The following NTNG1 variants were observed in gnomAD, a reference collection of about 807,000 sequenced individuals.
NTNG1 encodes netrin-G1.
A neutral mutation model predicts 54.0 loss-of-function variants in NTNG1; 16 were observed. The observed-to-expected ratio is 0.30, with a 90% confidence interval of 0.20 to 0.45. NTNG1 has a LOEUF of 0.45. Among genes scored for constraint, NTNG1 ranks in the 20% least tolerant of loss-of-function variants. The pLI is 1.00. For missense variants in NTNG1, 530 were observed against 678.7 expected (o/e 0.78, Z 2.43); for synonymous variants, 255 against 263.1 (o/e 0.97, Z 0.30).
intron 2 of NTNG1, among the ~76,000 whole-genome samples, chr1:107,214,790 A>AT (rs58247179): frequency 0.96 from 141,109 of 146,530 alleles, 68,057 homozygotes; most frequent in South Asian, 0.99. Flanking sequence ...CCATGCCATC[A>AT]TTTTTTTTTT....
chr1:107,231,141 G>T (rs762354492), intron 2 of NTNG1, among the ~76,000 whole-genome samples: 1 of 152,130 alleles, frequency 6.6e-6, no homozygotes, highest in African/African-American at 2.4e-5. Flanking sequence ...CAGATTTTAC[G>T]CAGAGATGAT....
intron 4 of NTNG1, among the ~76,000 whole-genome samples, chr1:107,400,272 T>C (rs1672938203): frequency 6.6e-6 from 1 of 152,154 alleles, no homozygotes; most frequent in Admixed American, 6.6e-5. Context: ...CAAAATCAAT[T>C]ACTTCTGTCT....
intron 2 of NTNG1, among the ~76,000 whole-genome samples, chr1:107,210,719 A>G (rs532076424): frequency 5.9e-5 from 9 of 152,114 alleles, no homozygotes; most frequent in African/African-American, 2.2e-4. Flanking sequence ...CTGCCAAGGA[A>G]TCTACACAAA....
At chr1:107,475,985 C>A (rs1462097562) in intron 7 of NTNG1, among the ~76,000 whole-genome samples, 1 of 152,160 alleles carries the variant, frequency 6.6e-6, no homozygotes, top group African/African-American at 2.4e-5. Context: ...AATGTTAATT[C>A]TTCAAAATTT....
At chr1:107,325,799 C>T (rs11185089) in intron 3 of NTNG1, among the ~76,000 whole-genome samples, 73,316 of 151,802 alleles carry the variant, frequency 0.48, 20,758 homozygotes, top group Non-Finnish European at 0.62. Context: ...AGCAGAGTAT[C>T]TAGCAAAGGG....
intron 3 of NTNG1, among the ~76,000 whole-genome samples, chr1:107,343,308 C>T (rs1477130630): frequency 6.6e-6 from 1 of 152,088 alleles, no homozygotes; most frequent in Non-Finnish European, 1.5e-5. Context: ...TAAGAGCAAG[C>T]CGCCATGATG....
At chr1:107,165,876 T>C (rs1385020888) in intron 2 of NTNG1, among the ~76,000 whole-genome samples, 1 of 152,176 alleles carries the variant, frequency 6.6e-6, no homozygotes, top group African/African-American at 2.4e-5. Context: ...TATTTAGTGG[T>C]TTCTCTCCAC....
chr1:107,444,533 C>T (rs934036857), intron 7 of NTNG1, among the ~76,000 whole-genome samples: 1 of 152,164 alleles, frequency 6.6e-6, no homozygotes, highest in South Asian at 2.1e-4. Flanking sequence ...CACCCACTGG[C>T]ATTCTGAGGC....
chr1:107,439,212 G>A (rs1272963307), intron 7 of NTNG1, among the ~76,000 whole-genome samples: 1 of 152,000 alleles, frequency 6.6e-6, no homozygotes, highest in Non-Finnish European at 1.5e-5. Context: ...AGGATCAGTG[G>A]AGCTTTCCAG....
In NTNG1 at chr1:107,187,109, C is replaced by T. The variant is rs553002840; in HGVS notation, c.246+38270C>T. Among the ~76,000 whole-genome samples the T allele has an allele frequency of 4.6e-5, 7 of 152,182 alleles. No individual in the cohort carries two copies. In the South Asian group the frequency reaches 1.2e-3, roughly 27 times the overall value. ...GTTGCCTCTAGAGAGAGGCTTGCCC[C>T]TCATTTTATTCTCAGTTATAGCATC... On this transcript the variant is annotated intron_variant, in intron 2 of 7. Coordinates refer to ENST00000370068, the MANE Select transcript of NTNG1 (RefSeq NM_001113226.3).
intron 2 of NTNG1, among the ~76,000 whole-genome samples, chr1:107,194,447 T>A (rs72697689): frequency 0.064 from 9,739 of 152,140 alleles, 412 homozygotes; most frequent in African/African-American, 0.12. Context: ...TTTCCAGTTA[T>A]TTCAGCCACA....
chr1:107,462,678 C>A (rs548180025), intron 7 of NTNG1, among the ~76,000 whole-genome samples: 1 of 152,252 alleles, frequency 6.6e-6, no homozygotes, highest in African/African-American at 2.4e-5. Flanking sequence ...TTTTAAATAT[C>A]TCTTCTAAGG....
chr1:107,237,541 C>T (rs1027428376), intron 2 of NTNG1, among the ~76,000 whole-genome samples: 1 of 152,166 alleles, frequency 6.6e-6, no homozygotes, highest in African/African-American at 2.4e-5. Context: ...CATCAGAGGT[C>T]TTCATGGCAG....
At chr1:107,177,737 C>T (rs1656754526) in intron 2 of NTNG1, among the ~76,000 whole-genome samples, 1 of 152,166 alleles carries the variant, frequency 6.6e-6, no homozygotes, top group African/African-American at 2.4e-5. Flanking sequence ...CTTTAGGCAA[C>T]ATTGTCTCTC....
intron 2 of NTNG1, among the ~76,000 whole-genome samples, chr1:107,257,957 T>A (rs1000134232): frequency 1.3e-5 from 2 of 152,238 alleles, no homozygotes; most frequent in African/African-American, 4.8e-5. Flanking sequence ...CAGAAAGCCT[T>A]CTTTCCTCCA....
At chr1:107,420,933 C>T (rs1275109162) in intron 5 of NTNG1, 5 of 616,050 alleles carry the variant, frequency 8.1e-6, no homozygotes, top group Non-Finnish European at 1.5e-5. Flanking sequence ...ACAAGCCTTA[C>T]TTTGTGATTG....
intron 2 of NTNG1, among the ~76,000 whole-genome samples, chr1:107,194,965 T>A (rs1230434800): frequency 1.3e-5 from 2 of 152,048 alleles, no homozygotes; most frequent in African/African-American, 4.8e-5. Flanking sequence ...ATAGCTGCCT[T>A]ACAGACTTTG....
In NTNG1 at chr1:107,450,838, C is replaced by A. The variant is rs529363628; in HGVS notation, c.1390+14039C>A. 4.6e-5 allele frequency among the ~76,000 whole-genome samples: 7 copies of A among 152,036 alleles called. 1 individual carries two copies. In the East Asian group the frequency reaches 1.4e-3, roughly 29 times the overall value. ...GATCATCCTAAATCCTGGAAATTAC[C>A]CTGTAATGCTAAAATACCTGCCTAC... On this transcript the variant is annotated intron_variant, in intron 7 of 7. Coordinates refer to ENST00000370068, the MANE Select transcript of NTNG1 (RefSeq NM_001113226.3).
Position 107,483,083 on chromosome 1 carries a change from G to C in NTNG1, c.*2243G>C, listed in dbSNP as rs1001608803. 2.6e-5 allele frequency: 4 copies of C among 152,156 alleles called. No homozygotes were observed. Among genetic ancestry groups the C allele is most frequent in the African/African-American group, 9.7e-5 (4 of 41,448 alleles). The allele number at this position is 152,156 out of a possible 1,614,324, so 9.4% of individuals were successfully genotyped here. A position where few individuals can be genotyped will look rare whatever the true frequency, so the allele number is the denominator to read the frequency against. On this transcript the variant is annotated 3_prime_UTR_variant, in exon 8 of 8. Coordinates refer to ENST00000370068, the MANE Select transcript of NTNG1 (RefSeq NM_001113226.3). ...AACACATGAAAATGCTGATAACATA[G>C]GGAGTTTGAGATTATTTATAATGAG...
Sources: gnomAD v4.1 joint callset for allele counts (sites outside exome capture counted in the v4.1 genomes callset) on GRCh38, gnomAD v4.1.1 for gene constraint, MANE v1.5 for transcripts, NCBI Gene and HGNC (gene_info 2026-07-23, HGNC 2026-07-21) for gene names.